ANK2: variants seen among roughly 807,000 people sequenced by gnomAD.
The protein encoded by ANK2 is ankyrin-2.
A neutral mutation model predicts 360.5 loss-of-function variants in ANK2; 83 were observed. The observed-to-expected ratio is 0.23, with a 90% confidence interval of 0.19 to 0.28. ANK2 has a LOEUF of 0.28. ANK2 is among the 10% of genes least tolerant of loss of function. The pLI is 1.00. For missense variants in ANK2, 4,201 were observed against 4,795.7 expected, an observed-to-expected ratio of 0.88 and a Z score of 3.66; for synonymous variants, 1,740 against 1,759.5, an observed-to-expected ratio of 0.99 and a Z score of 0.28.
At chr4:112,769,499 A>G in the ANK2 span, among the ~76,000 whole-genome samples, 2 of 152,136 alleles carry the variant, frequency 1.3e-5, no homozygotes, top group Admixed American at 6.5e-5. Context: ...TGTTTTTCTT[A>G]CTTTTTATGA....
chr4:112,971,153 C>A (rs189540970), intron 2 of ANK2, among the ~76,000 whole-genome samples: 1 of 152,086 alleles, frequency 6.6e-6, no homozygotes, highest in African/African-American at 2.4e-5. Flanking sequence ...GATGAGGAAC[C>A]AGCAAAATGT....
At chr4:113,348,073 C>G (rs2095065231) in intron 35 of ANK2, 1 of 593,660 alleles carries the variant, frequency 1.7e-6, no homozygotes, top group African/African-American at 1.9e-5. Flanking sequence ...TCTCTTGAAT[C>G]TATAAACTTT....
At chr4:113,129,311 G>A (rs915024347) in intron 1 of ANK2, among the ~76,000 whole-genome samples, 2 of 152,088 alleles carry the variant, frequency 1.3e-5, no homozygotes, top group African/African-American at 4.8e-5. Context: ...AATTGTATTA[G>A]CAAATTGTTT....
intron 14 of ANK2, among the ~76,000 whole-genome samples, chr4:113,270,074 G>T (rs899198542): frequency 1.3e-5 from 2 of 152,032 alleles, no homozygotes; most frequent in African/African-American, 4.8e-5. Flanking sequence ...TTCCTTTTAA[G>T]GTTACCTGGC....
At chr4:113,265,127 G>A (rs2055238244) in intron 14 of ANK2, 132 bp downstream of exon 14, 4 of 835,132 alleles carry the variant, frequency 4.8e-6, no homozygotes, top group Non-Finnish European at 7.6e-6. Context: ...TTCAATAGCA[G>A]TTTTCCAGAA....
At chr4:112,840,814 G>A (rs963843015) in intron 1 of ANK2, among the ~76,000 whole-genome samples, 19 of 152,190 alleles carry the variant, frequency 1.2e-4, no homozygotes, top group African/African-American at 4.3e-4. Context: ...TTTGCTCAAA[G>A]TCACACAGTA....
the ANK2 span, among the ~76,000 whole-genome samples, chr4:112,737,064 T>C: frequency 6.6e-6 from 1 of 152,236 alleles, no homozygotes; most frequent in Non-Finnish European, 1.5e-5. Flanking sequence ...GGGCTCTGAA[T>C]CTTGCTCAGT....
chr4:113,226,869 C>A (rs1452378050), intron 4 of ANK2, among the ~76,000 whole-genome samples: 2 of 152,104 alleles, frequency 1.3e-5, no homozygotes, highest in African/African-American at 4.8e-5. Flanking sequence ...CTTATTTCAC[C>A]CACCCAGTAT....
chr4:112,836,936 A>G (rs1382654661), intron 1 of ANK2, among the ~76,000 whole-genome samples: 3 of 152,342 alleles, frequency 2.0e-5, no homozygotes, highest in East Asian at 1.9e-4. Context: ...AGAAAAACCC[A>G]TTTTCTGGGG....
chr4:113,035,421 G>C (rs1379426883), intron 2 of ANK2, among the ~76,000 whole-genome samples: 1 of 151,778 alleles, frequency 6.6e-6, no homozygotes, highest in Non-Finnish European at 1.5e-5. Context: ...AAAGAAAATA[G>C]GTATTTTTTA....
chr4:112,801,898 C>G, the ANK2 span, among the ~76,000 whole-genome samples: 18 of 151,160 alleles, frequency 1.2e-4, no homozygotes, highest in African/African-American at 4.4e-4. Flanking sequence ...AAAGATAACT[C>G]TAGCTACGGT....
At chr4:113,041,067 C>T (rs2062832198) in intron 2 of ANK2, among the ~76,000 whole-genome samples, 1 of 152,094 alleles carries the variant, frequency 6.6e-6, no homozygotes, top group Admixed American at 6.6e-5. Context: ...ATCATCATCT[C>T]TCTACAGGAC....
intron 1 of ANK2, among the ~76,000 whole-genome samples, chr4:113,121,999 G>A (rs921959407): frequency 2.6e-5 from 4 of 152,080 alleles, no homozygotes; most frequent in South Asian, 2.1e-4. Flanking sequence ...AGTTATATTA[G>A]TATTTTTTCT....
At chr4:112,824,024 T>A (rs2057804784) in intron 1 of ANK2, among the ~76,000 whole-genome samples, 1 of 152,188 alleles carries the variant, frequency 6.6e-6, no homozygotes, top group African/African-American at 2.4e-5. Flanking sequence ...GATTTTTTTT[T>A]AAGGACAATC....
At chr4:113,318,412 TC>T (rs2084102256) in intron 25 of ANK2, 104 bp from the exon 26 acceptor site, 2 of 878,992 alleles carry the variant, frequency 2.3e-6, no homozygotes, top group East Asian at 2.7e-5. Context: ...TGTAAGTTTT[TC>T]TAGGTTATAC....
intron 36 of ANK2, among the ~76,000 whole-genome samples, chr4:113,349,681 G>A (rs1359664631): frequency 1.3e-5 from 2 of 152,094 alleles, no homozygotes; most frequent in African/African-American, 4.8e-5. Flanking sequence ...TGATAGGGAA[G>A]CCAATTTTGC....
At chr4:113,188,473 T>C (rs1246824007) in intron 2 of ANK2, among the ~76,000 whole-genome samples, 1 of 152,136 alleles carries the variant, frequency 6.6e-6, no homozygotes, top group Non-Finnish European at 1.5e-5. Context: ...CTTCTTTTGG[T>C]CCCCTAAGAA....
At chr4:112,865,719 T>C (rs182752785) in intron 1 of ANK2, among the ~76,000 whole-genome samples, 1 of 152,154 alleles carries the variant, frequency 6.6e-6, no homozygotes, top group Non-Finnish European at 1.5e-5. Context: ...ATTAGAAAAA[T>C]GTAAATATTC....
At chr4:113,368,716 G>A (rs2096624734) in intron 42 of ANK2, among the ~76,000 whole-genome samples, 1 of 152,166 alleles carries the variant, frequency 6.6e-6, no homozygotes, top group Non-Finnish European at 1.5e-5. Context: ...GACATGAGAA[G>A]AGGATGAAAT....
Sources: gnomAD v4.1 joint callset for allele counts (sites outside exome capture counted in the v4.1 genomes callset) on GRCh38, gnomAD v4.1.1 for gene constraint, MANE v1.5 for transcripts, NCBI Gene and HGNC (gene_info 2026-07-23, HGNC 2026-07-21) for gene names.